Variants in USP20 observed in about 807,000 individuals in gnomAD.
USP20 encodes the protein ubiquitin carboxyl-terminal hydrolase 20.
Under a neutral mutation model 124.2 loss-of-function variants are expected in USP20, and 80 were observed. That is an observed-to-expected ratio of 0.64 (90% CI 0.54 to 0.78). The LOEUF is 0.78. USP20 is among the 30% of genes least tolerant of loss of function. The pLI, the probability that USP20 is intolerant of heterozygous loss-of-function variation, is 0.00. For synonymous variants in USP20, 481 were observed against 512.3 expected (o/e 0.94, Z 0.83); for missense variants, 1,043 against 1,244.4 (o/e 0.84, Z 2.44).
rs2034233193 is a variant in USP20 at position 129,873,495 on chromosome 9, C to T, written c.1674C>T (p.Tyr558=). 1.9e-6 allele frequency: 3 copies of T among 1,614,182 alleles called. No individual in the cohort carries two copies. The highest frequency in any genetic ancestry group is 1.7e-6 in the Non-Finnish European group (2 of 1,180,024). ...TTACTGCCCTAGGTGACAACATGTA[C>T]AGCTGTGAGCGGTGTAAGAAGTAAG... ...AADELKGDNM[Y]SCERCKKLRN... is the part of the protein sequence containing the mutation. The change falls in exon 16 of 26, where the codon TAC becomes TAT. Residue 558 remains tyrosine, a synonymous_variant. Coordinates refer to ENST00000372429, the MANE Select transcript of USP20 (RefSeq NM_001110303.4).
chr9:129,875,752 C>T (rs2034365423), intron 21 of USP20, 111 bp downstream of exon 21: 5 of 1,059,398 alleles, frequency 4.7e-6, no homozygotes, highest in Admixed American at 2.4e-5. Context: ...CACACTCTGG[C>T]CTCCACGTGG....
chr9:129,853,638 G>A (rs1168334856), intron 3 of USP20, among the ~76,000 whole-genome samples: 1 of 152,202 alleles, frequency 6.6e-6, no homozygotes, highest in Admixed American at 6.5e-5. Flanking sequence ...ATGGGGCCTG[G>A]CATGGGAGCA....
At chr9:129,848,487 A>G (rs2032715769) in intron 1 of USP20, among the ~76,000 whole-genome samples, 1 of 151,088 alleles carries the variant, frequency 6.6e-6, no homozygotes, top group South Asian at 2.1e-4. Context: ...TTGCAAATCA[A>G]GAGTGAGTCT....
chr9:129,878,513 G>A lies in USP20; in HGVS notation c.2512+73G>A. ...GGAGATGGGATGCTGGCAGGGGAGG[G>A]CTGGCACACAGGGGCTCCTGCAGGC... On this transcript the variant is annotated intron_variant, in intron 23 of 25. Coordinates refer to ENST00000372429, the MANE Select transcript of USP20 (RefSeq NM_001110303.4). 5.8e-6 allele frequency: 8 copies of A among 1,373,422 alleles called. No homozygotes were observed. The South Asian group carries it at 1.1e-4, about 19-fold the overall frequency. 85.1% of individuals were successfully genotyped at this position (1,373,422 alleles called of 1,614,324 possible). A position where few individuals can be genotyped will look rare whatever the true frequency, so the allele number is the denominator to read the frequency against.
chr9:129,865,500 C>T (rs956060366), intron 10 of USP20, 119 bp downstream of exon 10: 27 of 1,033,864 alleles, frequency 2.6e-5, no homozygotes, highest in South Asian at 5.5e-5. Context: ...GCAGGTCTCA[C>T]GGACCAGGCT....
In USP20 at chr9:129,848,325, A is replaced by G. The variant is rs934358973; in HGVS notation, c.-128-1488A>G. On this transcript the variant is annotated intron_variant, in intron 1 of 25. Transcript: ENST00000372429. ...CAAAACAAAACAAAAAAAACTAGCC[A>G]GGTGATTGACCTCTGCCAAGTTCCT... 7.9e-5 allele frequency among the ~76,000 whole-genome samples: 12 copies of G among 152,246 alleles called. No homozygotes were observed. The East Asian group carries it at 2.3e-3, about 29-fold the overall frequency.
rs745968633 is a variant in USP20, at chr9:129,874,926, G to A, written c.2019G>A (p.Gln673=). ...YVTEVHETVV[Q]NAEGYVLFYR... ...CAGAAGTCCACGAGACGGTGGTGCAGAACGCCGAGGGCTACGTACTCTTCT... is the reference window on the plus strand; with the variant it reads ...CAGAAGTCCACGAGACGGTGGTGCAAAACGCCGAGGGCTACGTACTCTTCT... The change falls in exon 19 of 26, where the codon CAG becomes CAA. Residue 673 remains glutamine, a synonymous_variant. Coordinates refer to ENST00000372429, the MANE Select transcript of USP20 (RefSeq NM_001110303.4). The A allele has an allele frequency of 1.9e-6, 3 of 1,614,054 alleles. No homozygotes were observed. Among genetic ancestry groups the A allele is most frequent in the Non-Finnish European group, 1.7e-6 (2 of 1,180,032 alleles).
At chr9:129,840,361 T>C (rs1340798115) in intron 1 of USP20, among the ~76,000 whole-genome samples, 2 of 152,196 alleles carry the variant, frequency 1.3e-5, no homozygotes, top group African/African-American at 2.4e-5. Context: ...ACAGCCGCCC[T>C]TGCCCTAGAG....
At chr9:129,854,616 G>T (rs920583035) in intron 3 of USP20, among the ~76,000 whole-genome samples, 1 of 148,896 alleles carries the variant, frequency 6.7e-6, no homozygotes, top group East Asian at 2.0e-4. Context: ...GCAAGCATTC[G>T]ATACTTTTAT....
rs56243159 is a variant in USP20, at chr9:129,872,421, G to A, written c.1661-1061G>A. Among the ~76,000 whole-genome samples the A allele has an allele frequency of 6.8e-3, 1,031 of 152,258 alleles. 1 individual carries two copies. The highest frequency in any genetic ancestry group is 0.024 in the Middle Eastern group (7 of 294). ...TGCTGCCTTGGCCTCCCAAAGTGCTGGGATTACAGGTGTGAGCCACGGTGC... is the reference window on the plus strand; with the variant it reads ...TGCTGCCTTGGCCTCCCAAAGTGCTAGGATTACAGGTGTGAGCCACGGTGC... On this transcript the variant is annotated intron_variant, in intron 15 of 25. Transcript: ENST00000372429.
intron 6 of USP20, 54 bp downstream of exon 6, chr9:129,858,652 A>T (rs1438210710): frequency 6.3e-7 from 1 of 1,597,706 alleles, no homozygotes; most frequent in Admixed American, 1.8e-5. Flanking sequence ...GTTGAGGATG[A>T]GGCAGTGTGA....
intron 12 of USP20, 22 bp from the exon 13 acceptor site, chr9:129,869,288 T>TA: frequency 6.2e-7 from 1 of 1,606,652 alleles, no homozygotes; most frequent in Non-Finnish European, 8.5e-7. Flanking sequence ...GAGGCTGGGC[T>TA]AGTCCTGTGC....
intron 1 of USP20, among the ~76,000 whole-genome samples, chr9:129,846,247 A>ATATATATATGTATTTTTTT (rs1554742656): frequency 9.2e-5 from 3 of 32,664 alleles, no homozygotes; most frequent in Non-Finnish European, 1.6e-4. Flanking sequence ...ATATATATAT[A>ATATATATATGTATTTTTTT]TTTTTTTTTT....
intron 4 of USP20, among the ~76,000 whole-genome samples, chr9:129,857,478 G>A (rs965553105): frequency 1.3e-5 from 2 of 152,244 alleles, no homozygotes; most frequent in Non-Finnish European, 2.9e-5. Flanking sequence ...CACAGTGGAA[G>A]CACTGAGCGG....
chr9:129,870,643 G>T, intron 15 of USP20, 96 bp downstream of exon 15: 2 of 1,350,504 alleles, frequency 1.5e-6, no homozygotes, highest in South Asian at 1.3e-5. Flanking sequence ...CAGGGCTTGT[G>T]GGATGCACAG....
chr9:129,839,807 C>T lies in USP20; in HGVS notation c.-129+4308C>T, dbSNP rs367601902. Reference sequence around the variant, plus strand: ...AACAATGAGTAACAGGCACCAGAGGCAGCCAGGTCCAGATGTGCTGCCTAC... The same window carrying T: ...AACAATGAGTAACAGGCACCAGAGGTAGCCAGGTCCAGATGTGCTGCCTAC... On this transcript the variant is annotated intron_variant, in intron 1 of 25. Transcript: ENST00000372429. This position sits in a 1 kb window ranked among gnomAD's most constrained non-coding sequence, Gnocchi z 4.5. 2.6e-5 allele frequency among the ~76,000 whole-genome samples: 4 copies of T among 152,122 alleles called. No homozygotes were observed. The highest frequency in any genetic ancestry group is 9.7e-5 in the African/African-American group (4 of 41,400).
In USP20 at chr9:129,870,879, T is replaced by A. The variant is rs142295104; in HGVS notation, c.1660+332T>A. Reference sequence around the variant, plus strand: ...CATTTTTTGTTAAATATACTGGCTCTATGTATTTATTTAAACATTGCCCAT... The same window carrying A: ...CATTTTTTGTTAAATATACTGGCTCAATGTATTTATTTAAACATTGCCCAT... On this transcript the variant is annotated intron_variant, in intron 15 of 25. Transcript: ENST00000372429. 4.4e-3 allele frequency among the ~76,000 whole-genome samples: 670 copies of A among 152,384 alleles called. 6 individuals carry two copies. Among genetic ancestry groups the A allele is most frequent in the African/African-American group, 0.015 (615 of 41,590 alleles).
At chr9:129,847,153 C>T (rs1274270248) in intron 1 of USP20, among the ~76,000 whole-genome samples, 1 of 152,154 alleles carries the variant, frequency 6.6e-6, no homozygotes, top group Non-Finnish European at 1.5e-5. Context: ...GGTGTATACC[C>T]AGATGTGGAT....
At chr9:129,873,895 G>A in intron 17 of USP20, 151 bp downstream of exon 17, 1 of 970,608 alleles carries the variant, frequency 1.0e-6, no homozygotes, top group East Asian at 2.6e-5. Context: ...GAAACCTCTG[G>A]GAAGGGTTGG....
Sources: gnomAD v4.1 joint callset for allele counts (sites outside exome capture counted in the v4.1 genomes callset) on GRCh38, gnomAD v4.1.1 for gene constraint, Gnocchi (gnomAD v3.1) non-coding constraint, MANE v1.5 for transcripts, NCBI Gene and HGNC (gene_info 2026-07-23, HGNC 2026-07-21) for gene names.